Variants in C12orf54 observed in about 807,000 individuals in gnomAD.
C12orf54 encodes uncharacterized protein C12orf54.
C12orf54 carries 24 observed loss-of-function variants against 26.4 expected under a neutral mutation model. The ratio of observed to expected loss-of-function variants is 0.91; its 90% CI spans 0.66 to 1.28. C12orf54 has a LOEUF of 1.28. Ranked by LOEUF, C12orf54 falls within the 50% of genes most tolerant of loss-of-function variation. The probability of loss-of-function intolerance (pLI) is 0.00; values close to 1 mark genes in which losing one functional copy is unlikely to be tolerated. For synonymous variants in C12orf54, 54 were observed against 47.0 expected, an observed-to-expected ratio of 1.15 and a Z score of -0.61; for missense variants, 154 against 150.9, an observed-to-expected ratio of 1.02 and a Z score of -0.11.
the C12orf54 span, among the ~76,000 whole-genome samples, chr12:48,418,586 T>G: frequency 1.3e-5 from 2 of 152,164 alleles, no homozygotes; most frequent in African/African-American, 4.8e-5. Context: ...AGGATCAGCA[T>G]TCTCAATGCA....
chr12:48,448,420 A>G, the C12orf54 span, among the ~76,000 whole-genome samples: 3 of 152,362 alleles, frequency 2.0e-5, no homozygotes, highest in South Asian at 2.1e-4. Context: ...TTAGAAATTT[A>G]TCCAGGTTGA....
At chr12:48,439,509 C>T in the C12orf54 span, among the ~76,000 whole-genome samples, 2 of 152,122 alleles carry the variant, frequency 1.3e-5, no homozygotes, top group African/African-American at 4.8e-5. Flanking sequence ...AAATGTCCAA[C>T]AATGATAGAC....
the C12orf54 span, among the ~76,000 whole-genome samples, chr12:48,456,431 C>T: frequency 7.2e-5 from 11 of 152,100 alleles, no homozygotes; most frequent in Admixed American, 7.2e-4. Context: ...AGAAGCAAGT[C>T]TTAGAACGAG....
the C12orf54 span, among the ~76,000 whole-genome samples, chr12:48,420,369 A>G: frequency 6.6e-6 from 1 of 152,232 alleles, no homozygotes; most frequent in Non-Finnish European, 1.5e-5. Flanking sequence ...TAAACTTTAG[A>G]CAGGTTTCTT....
At chr12:48,431,084 G>A in the C12orf54 span, among the ~76,000 whole-genome samples, 4 of 152,168 alleles carry the variant, frequency 2.6e-5, no homozygotes, top group Non-Finnish European at 5.9e-5. Context: ...ACCCATATGT[G>A]GGACCTAAGC....
the C12orf54 span, among the ~76,000 whole-genome samples, chr12:48,466,980 T>C: frequency 6.6e-6 from 1 of 152,162 alleles, no homozygotes. Flanking sequence ...TATGTATATG[T>C]AGTGATGTGA....
At chr12:48,431,157 T>G in the C12orf54 span, among the ~76,000 whole-genome samples, 7 of 151,788 alleles carry the variant, frequency 4.6e-5, no homozygotes, top group Non-Finnish European at 1.5e-5. Flanking sequence ...GGAAGGGTGG[T>G]GGGGGAGGGA....
the C12orf54 span, among the ~76,000 whole-genome samples, chr12:48,432,076 A>G: frequency 6.6e-6 from 1 of 152,214 alleles, no homozygotes; most frequent in East Asian, 1.9e-4. Flanking sequence ...TAAGTTAAAT[A>G]CTGGTAAAAG....
At chr12:48,458,971 C>G in the C12orf54 span, among the ~76,000 whole-genome samples, 2 of 142,578 alleles carry the variant, frequency 1.4e-5, no homozygotes, top group African/African-American at 5.2e-5. Flanking sequence ...TGCTGACATC[C>G]TTTCCTACCC....
At chr12:48,489,014 T>C in intron 5 of C12orf54, 58 bp downstream of exon 5, 2 of 1,507,230 alleles carry the variant, frequency 1.3e-6, no homozygotes, top group Non-Finnish European at 9.2e-7. Flanking sequence ...CTTGATCCCA[T>C]TTTTTTTCTT....
chr12:48,487,841 G>T (rs945261686), intron 4 of C12orf54: 4 of 510,964 alleles, frequency 7.8e-6, no homozygotes, highest in South Asian at 3.3e-5. Context: ...ACAACCCACA[G>T]TTCCAACAGT....
At chr12:48,433,637 C>A in the C12orf54 span, among the ~76,000 whole-genome samples, 11 of 152,094 alleles carry the variant, frequency 7.2e-5, no homozygotes, top group South Asian at 2.3e-3. Context: ...TTAGTAGAGA[C>A]GGGGTTTCAC....
the C12orf54 span, among the ~76,000 whole-genome samples, chr12:48,475,577 G>T: frequency 2.6e-5 from 4 of 152,332 alleles, no homozygotes; most frequent in African/African-American, 9.6e-5. Context: ...GAAAACCATG[G>T]CACGAGAGCT....
At chr12:48,444,958 G>A in the C12orf54 span, among the ~76,000 whole-genome samples, 1 of 152,160 alleles carries the variant, frequency 6.6e-6, no homozygotes, top group Non-Finnish European at 1.5e-5. Flanking sequence ...GGATCACGAG[G>A]TCAGGAGATG....
At chr12:48,444,254 C>A in the C12orf54 span, among the ~76,000 whole-genome samples, 1 of 152,204 alleles carries the variant, frequency 6.6e-6, no homozygotes, top group African/African-American at 2.4e-5. Flanking sequence ...GTAGCTCTAG[C>A]TAGAGCAACC....
chr12:48,438,904 T>C, the C12orf54 span, among the ~76,000 whole-genome samples: 1 of 151,824 alleles, frequency 6.6e-6, no homozygotes, highest in East Asian at 1.9e-4. Context: ...AAATGACAAA[T>C]GGGATCTAAT....
chr12:48,434,604 C>A, the C12orf54 span, among the ~76,000 whole-genome samples: 1,577 of 152,296 alleles, frequency 0.01, 24 homozygotes, highest in African/African-American at 0.036. Flanking sequence ...TGCGGTTCAC[C>A]AATATCCACT....
intron 5 of C12orf54, 98 bp downstream of exon 5, chr12:48,489,054 G>C (rs767179561): frequency 1.7e-6 from 2 of 1,144,100 alleles, no homozygotes; most frequent in South Asian, 2.5e-5. Flanking sequence ...TCTGACCAAG[G>C]TTTTAGCTTC....
upstream of C12orf54, among the ~76,000 whole-genome samples, chr12:48,477,854 T>C (rs1163919680): frequency 6.6e-6 from 1 of 152,138 alleles, no homozygotes; most frequent in Non-Finnish European, 1.5e-5. Flanking sequence ...CTGAAACTAT[T>C]CCAATCAATA....
Sources: allele counts gnomAD v4.1 joint callset (sites outside exome capture counted in the v4.1 genomes callset), GRCh38; gene constraint gnomAD v4.1.1; transcripts MANE v1.5; gene names NCBI Gene and HGNC (gene_info 2026-07-23, HGNC 2026-07-21).